The following MYO3B variants were observed in gnomAD, a reference collection of about 807,000 sequenced individuals.
The protein encoded by MYO3B is myosin IIIB.
Under a neutral mutation model 174.6 loss-of-function variants are expected in MYO3B, and 156 were observed. That is an observed-to-expected ratio of 0.89 (90% CI 0.78 to 1.02). The LOEUF is 1.02. Ranked by LOEUF, MYO3B falls within the 50% of genes least tolerant of loss-of-function variation. The pLI is 0.00. For missense variants in MYO3B, 1,632 were observed against 1,639.4 expected (o/e 1.00, Z 0.08); for synonymous variants, 563 against 569.1 (o/e 0.99, Z 0.15).
intron 25 of MYO3B, among the ~76,000 whole-genome samples, chr2:170,490,436 C>A (rs950704024): frequency 3.3e-5 from 5 of 152,088 alleles, no homozygotes; most frequent in African/African-American, 1.2e-4. Context: ...GTTATGGTAG[C>A]TTTTTCGTAG....
At chr2:170,214,698 T>G (rs1367288598) in intron 4 of MYO3B, 31 bp from the exon 5 acceptor site, 1 of 1,581,200 alleles carries the variant, frequency 6.3e-7, no homozygotes, top group Non-Finnish European at 8.7e-7. Flanking sequence ...TTCTCTTTCC[T>G]GTTGTTTGGT....
chr2:170,179,668 C>T (rs371687634), intron 1 of MYO3B, among the ~76,000 whole-genome samples: 82 of 152,256 alleles, frequency 5.4e-4, no homozygotes, highest in African/African-American at 1.9e-3. Context: ...AGATGTGGCC[C>T]CTTGATCTTG....
At chr2:170,309,514 T>C (rs1256989447) in intron 7 of MYO3B, among the ~76,000 whole-genome samples, 1 of 152,222 alleles carries the variant, frequency 6.6e-6, no homozygotes, top group African/African-American at 2.4e-5. Context: ...TCCCTGATTC[T>C]CTCAGCCTAG....
intron 32 of MYO3B, among the ~76,000 whole-genome samples, chr2:170,575,011 G>A (rs560527186): frequency 1.6e-4 from 25 of 152,222 alleles, no homozygotes; most frequent in African/African-American, 2.9e-4. Context: ...GGGAATAAGC[G>A]TGTGTAAACT....
At chr2:170,634,533 C>G (rs563458764) in intron 32 of MYO3B, among the ~76,000 whole-genome samples, 47 of 152,240 alleles carry the variant, frequency 3.1e-4, no homozygotes, top group African/African-American at 1.1e-3. Context: ...AAAACCTAGG[C>G]AATACCATTC....
At chr2:170,440,808 T>G (rs960979500) in intron 22 of MYO3B, among the ~76,000 whole-genome samples, 5 of 144,988 alleles carry the variant, frequency 3.4e-5, no homozygotes, top group African/African-American at 1.0e-4. Context: ...GTTTTTTTTT[T>G]TTTTTTTTTT....
chr2:170,549,008 G>T (rs191511445), intron 32 of MYO3B, among the ~76,000 whole-genome samples: 1 of 151,964 alleles, frequency 6.6e-6, no homozygotes, highest in Non-Finnish European at 1.5e-5. Context: ...TTTTTTTTAG[G>T]CAGTAAAAGA....
intron 7 of MYO3B, among the ~76,000 whole-genome samples, chr2:170,313,148 T>C (rs2093751132): frequency 6.6e-6 from 1 of 152,226 alleles, no homozygotes; most frequent in Non-Finnish European, 1.5e-5. Context: ...TATTGCACTG[T>C]TTGGCACTTT....
rs191941145 is a variant in MYO3B, at chr2:170,268,081, G to C, written c.749+31945G>C. ...AAAAATTATCTGAGTGTGGTGGCAG[G>C]CACCTGTAATCCCAGCTACTTGGGA... On this transcript the variant is annotated intron_variant, in intron 7 of 34. Transcript: ENST00000408978. Among the ~76,000 whole-genome samples, 197 of 152,208 alleles carry C rather than the reference G, an allele frequency of 1.3e-3. 1 individual carries two copies. The highest frequency in any genetic ancestry group is 4.7e-3 in the African/African-American group (194 of 41,520).
chr2:170,277,145 C>T (rs552294720), intron 7 of MYO3B, among the ~76,000 whole-genome samples: 1 of 152,288 alleles, frequency 6.6e-6, no homozygotes, highest in African/African-American at 2.4e-5. Context: ...GCTCTGTTTG[C>T]TGTTGGTCAA....
At chr2:170,492,895 G>A (rs998433066) in intron 25 of MYO3B, among the ~76,000 whole-genome samples, 1 of 152,194 alleles carries the variant, frequency 6.6e-6, no homozygotes, top group Non-Finnish European at 1.5e-5. Context: ...CATGGGCCAG[G>A]TCTCATAGGA....
Position 170,514,974 on chromosome 2 carries a change from AG to A in MYO3B, c.3428del (p.Gly1143GlufsTer93). On this transcript the variant is annotated frameshift_variant, in exon 29 of 35. Transcript: ENST00000408978. LOFTEE classifies it high-confidence loss of function. ...GPHSPVAAGT[R>X]GSAEVQDCSE... ...ACATTCCCCCGTCGCAGCAGGTACG[AG>A]GGGAAGTGCCGAGGTTCAAGACTGC... The A allele has an allele frequency of 6.2e-7, 1 of 1,614,116 alleles. No homozygotes were observed. Among genetic ancestry groups the A allele is most frequent in the Non-Finnish European group, 8.5e-7 (1 of 1,179,998 alleles).
intron 23 of MYO3B, among the ~76,000 whole-genome samples, chr2:170,450,109 A>G (rs905772915): frequency 6.6e-6 from 1 of 152,246 alleles, no homozygotes; most frequent in Admixed American, 6.5e-5. Context: ...AATAATTAAA[A>G]GGCTTAATAT....
intron 32 of MYO3B, among the ~76,000 whole-genome samples, chr2:170,548,106 C>CAAAAA (rs10532249): frequency 1.2e-4 from 6 of 51,716 alleles, no homozygotes; most frequent in African/African-American, 3.0e-4. Context: ...GACTCCGTCT[C>CAAAAA]AAAAAAAAAA....
At chr2:170,609,275 T>C (rs547107699) in intron 32 of MYO3B, among the ~76,000 whole-genome samples, 1 of 152,324 alleles carries the variant, frequency 6.6e-6, no homozygotes, top group South Asian at 2.1e-4. Context: ...AATGGAAAAC[T>C]GTACACAAAT....
At chr2:170,458,228 A>C (rs549891130) in intron 23 of MYO3B, among the ~76,000 whole-genome samples, 3 of 152,354 alleles carry the variant, frequency 2.0e-5, no homozygotes, top group Admixed American at 2.0e-4. Flanking sequence ...GTGCACTATG[A>C]CATTATGTCT....
At chr2:170,222,765 T>C (rs2092914814) in intron 6 of MYO3B, among the ~76,000 whole-genome samples, 1 of 152,212 alleles carries the variant, frequency 6.6e-6, no homozygotes, top group Non-Finnish European at 1.5e-5. Flanking sequence ...ATGTATCTTT[T>C]TTTTGGAGGA....
intron 32 of MYO3B, among the ~76,000 whole-genome samples, chr2:170,587,206 C>A (rs1228239082): frequency 6.6e-6 from 1 of 152,252 alleles, no homozygotes; most frequent in African/African-American, 2.4e-5. Context: ...CTATACTGTA[C>A]TTTTTATTAT....
intron 16 of MYO3B, among the ~76,000 whole-genome samples, chr2:170,396,568 C>A (rs1334609563): frequency 6.6e-6 from 1 of 152,114 alleles, no homozygotes; most frequent in African/African-American, 2.4e-5. Context: ...GAAGGAGACC[C>A]AATCGGTCAT....
Sources: allele counts gnomAD v4.1 joint callset (sites outside exome capture counted in the v4.1 genomes callset), GRCh38; gene constraint gnomAD v4.1.1; transcripts MANE v1.5; gene names NCBI Gene and HGNC (gene_info 2026-07-23, HGNC 2026-07-21).